The following WNT9B variants were observed in gnomAD, a reference collection of about 807,000 sequenced individuals.
The protein encoded by WNT9B is Wnt family member 9B, also known as protein Wnt-9b.
WNT9B carries 12 observed loss-of-function variants against 30.2 expected under a neutral mutation model. That is an observed-to-expected ratio of 0.40 (90% confidence interval 0.26 to 0.64). WNT9B has a LOEUF of 0.64. Ranked by LOEUF, WNT9B falls within the 30% of genes least tolerant of loss-of-function variation. The pLI is 0.42. For missense variants in WNT9B, 442 were observed against 485.2 expected (o/e 0.91, Z 0.84); for synonymous variants, 218 against 216.9 (o/e 1.01, Z -0.05).
downstream of WNT9B, among the ~76,000 whole-genome samples, chr17:46,880,945 A>T (rs1451279598): frequency 1.3e-5 from 2 of 152,204 alleles, no homozygotes; most frequent in African/African-American, 4.8e-5. Context: ...GAAGCCAACC[A>T]GGGGCCTTCA....
At chr17:46,839,985 CTT>C (rs1491354003) in intron 1 of WNT9B, among the ~76,000 whole-genome samples, 184 of 127,194 alleles carry the variant, frequency 1.4e-3, no homozygotes, top group East Asian at 4.5e-3. Flanking sequence ...TCTCTTCTTT[CTT>C]TCTTTTTTCT....
intron 1 of WNT9B, among the ~76,000 whole-genome samples, chr17:46,857,204 C>T (rs1419401026): frequency 6.6e-6 from 1 of 152,152 alleles, no homozygotes; most frequent in African/African-American, 2.4e-5. Context: ...CGTGGTGGCT[C>T]ATGCCTGTAA....
upstream of WNT9B, among the ~76,000 whole-genome samples, chr17:46,848,341 G>A (rs1304507689): frequency 1.3e-5 from 2 of 152,212 alleles, no homozygotes; most frequent in Non-Finnish European, 2.9e-5. Context: ...CACAAACCAG[G>A]GTTATAAGCT....
At chr17:46,844,767 A>G (rs1403583024) in intron 1 of WNT9B, among the ~76,000 whole-genome samples, 1 of 152,070 alleles carries the variant, frequency 6.6e-6, no homozygotes, top group African/African-American at 2.4e-5. Context: ...ATATTTTTAA[A>G]CTTCTAGTCC....
chr17:46,882,600 G>A (rs1408660386), downstream of WNT9B, among the ~76,000 whole-genome samples: 3 of 151,918 alleles, frequency 2.0e-5, no homozygotes, highest in Non-Finnish European at 2.9e-5. Flanking sequence ...ATGGGGATGG[G>A]GACATTCTGG....
chr17:46,876,817 T>G lies in WNT9B; in HGVS notation c.*99T>G. 6.9e-7 allele frequency: 1 copy of G among 1,443,674 alleles called. No individual in the cohort carries two copies. The highest frequency in any genetic ancestry group is 9.1e-7 in the Non-Finnish European group (1 of 1,094,322). The allele number at this position is 1,443,674 out of a possible 1,614,324, so 89.4% of individuals were successfully genotyped here. On this transcript the variant is annotated 3_prime_UTR_variant, in exon 4 of 4. Coordinates refer to ENST00000290015, the MANE Select transcript of WNT9B (RefSeq NM_003396.3). ...TCTGGGCAGACTGTCATCACATGCA[T>G]GCATAAACCGGCATGTGTGCCAATG...
At chr17:46,866,175 T>C (rs1455742941) in intron 1 of WNT9B, among the ~76,000 whole-genome samples, 1 of 151,822 alleles carries the variant, frequency 6.6e-6, no homozygotes, top group Non-Finnish European at 1.5e-5. Flanking sequence ...GGCCTCCCAG[T>C]GTAACAGCAG....
chr17:46,834,597 T>C (rs1312310431), intron 1 of WNT9B, among the ~76,000 whole-genome samples: 1 of 152,150 alleles, frequency 6.6e-6, no homozygotes, highest in Admixed American at 6.5e-5. Context: ...TCCTGGGCTG[T>C]AGGTAGGGGC....
chr17:46,858,396 T>C (rs1346773415), intron 1 of WNT9B, among the ~76,000 whole-genome samples: 14 of 152,232 alleles, frequency 9.2e-5, no homozygotes, highest in Admixed American at 9.2e-4. Context: ...GTTTGTGCTT[T>C]GTTGGTGTTC....
At chr17:46,858,866 T>TA (rs1381342614) in intron 1 of WNT9B, among the ~76,000 whole-genome samples, 3 of 152,012 alleles carry the variant, frequency 2.0e-5, no homozygotes, top group Admixed American at 6.6e-5. Flanking sequence ...GGGGTTTTGC[T>TA]ATGTTGCTCA....
rs1321309486 is a variant in WNT9B at position 46,872,591 on chromosome 17, A to G, written c.152A>G (p.His51Arg). ...TAAAPAQGGA[H>R]LKQCDLLKLS... is the part of the protein sequence containing the mutation. The stretch of plus-strand genomic sequence containing the variant: ...GCAGCCCCGGCACAGGGCGGGGCCC[A>G]CCTGAAGCAGTGTGACCTGCTGAAG... The change falls in exon 2 of 4, where the codon CAC (histidine) becomes CGC (arginine). Residue 51 changes from histidine (H) to arginine (R), a missense_variant. By Grantham distance (29) the His-to-Arg change is conservative (BLOSUM62 0). Coordinates refer to ENST00000290015, the MANE Select transcript of WNT9B (RefSeq NM_003396.3). 1.2e-6 allele frequency: 2 copies of G among 1,611,338 alleles called. No individual in the cohort carries two copies. The highest frequency in any genetic ancestry group is 2.2e-5 in the South Asian group (2 of 90,552).
intron 1 of WNT9B, among the ~76,000 whole-genome samples, chr17:46,864,879 G>A (rs1467475365): frequency 1.3e-5 from 2 of 152,170 alleles, no homozygotes; most frequent in African/African-American, 4.8e-5. Flanking sequence ...ACAGCCTCCA[G>A]GACACCTTCC....
At chr17:46,861,067 A>G (rs1018220033) in intron 1 of WNT9B, among the ~76,000 whole-genome samples, 1 of 152,208 alleles carries the variant, frequency 6.6e-6, no homozygotes, top group African/African-American at 2.4e-5. Flanking sequence ...GGAAACTGTC[A>G]GAATCCAAGC....
Position 46,851,648 on chromosome 17 carries a change from C to T in WNT9B, c.10C>T (p.Pro4Ser), listed in dbSNP as rs1170711309. Residue 4 changes from proline to serine, a missense_variant, in exon 1 of 4, where the codon CCG becomes TCG. Coordinates refer to ENST00000290015, the MANE Select transcript of WNT9B (RefSeq NM_003396.3). This position sits in a 1 kb window ranked among gnomAD's most constrained non-coding sequence, Gnocchi z 4.3. ...CAGCGCCGCCAGCACCATGCGCCCCCCGCCCGCGCTGGCCCTGGCCGGGCT... is the reference window on the plus strand; with the variant it reads ...CAGCGCCGCCAGCACCATGCGCCCCTCGCCCGCGCTGGCCCTGGCCGGGCT... Reference protein sequence around the residue: MRPPPALALAGLCL... With the variant: MRPSPALALAGLCL... The T allele has an allele frequency of 7.0e-6, 9 of 1,282,560 alleles. No homozygotes were observed. The highest frequency in any genetic ancestry group is 7.8e-6 in the Non-Finnish European group (8 of 1,019,526). 79.4% of individuals were successfully genotyped at this position (1,282,560 alleles called of 1,614,324 possible).
chr17:46,849,410 G>A (rs143915880), upstream of WNT9B, among the ~76,000 whole-genome samples: 26 of 152,332 alleles, frequency 1.7e-4, no homozygotes, highest in African/African-American at 6.0e-4. Flanking sequence ...GAGCAGCTGG[G>A]CAGCCTGAGC....
At chr17:46,856,860 A>G (rs1272006733) in intron 1 of WNT9B, among the ~76,000 whole-genome samples, 1 of 152,204 alleles carries the variant, frequency 6.6e-6, no homozygotes, top group Non-Finnish European at 1.5e-5. Context: ...GGTGACTCCA[A>G]TGACTACATA....
chr17:46,885,018 T>C (rs1310092686), downstream of WNT9B: 3 of 439,880 alleles, frequency 6.8e-6, no homozygotes. Context: ...GACGAAGTCT[T>C]GTTCTTGTTG....
At chr17:46,850,018 CTT>C (rs1215453351), upstream of WNT9B, among the ~76,000 whole-genome samples, 1 of 152,020 alleles carries the variant, frequency 6.6e-6, no homozygotes, top group Non-Finnish European at 1.5e-5. Flanking sequence ...CGGCTAATGT[CTT>C]TGTATTTTTA....
At chr17:46,856,297 G>A (rs367966055) in intron 1 of WNT9B, among the ~76,000 whole-genome samples, 17 of 152,258 alleles carry the variant, frequency 1.1e-4, no homozygotes, top group Admixed American at 5.9e-4. Flanking sequence ...GAATGAAAGG[G>A]CTGGATAGGG....
Sources: gnomAD v4.1 joint callset for allele counts (sites outside exome capture counted in the v4.1 genomes callset) on GRCh38, gnomAD v4.1.1 for gene constraint, Gnocchi (gnomAD v3.1) non-coding constraint, MANE v1.5 for transcripts, NCBI Gene and HGNC (gene_info 2026-07-23, HGNC 2026-07-21) for gene names.